Variants in ZNF536 observed in about 807,000 individuals in gnomAD.
ZNF536 encodes the protein zinc finger protein 536.
Under a neutral mutation model 84.5 loss-of-function variants are expected in ZNF536, and 13 were observed. The observed-to-expected ratio is 0.15, with a 90% confidence interval of 0.10 to 0.24. The LOEUF (loss-of-function observed/expected upper bound fraction) is 0.24. ZNF536 is among the 10% of genes least tolerant of loss of function. The pLI is 1.00. For synonymous variants in ZNF536, 811 were observed against 742.5 expected (o/e 1.09, Z -1.50); for missense variants, 1,536 against 1,747.5 (o/e 0.88, Z 2.16).
chr19:30,388,107 G>A (rs2049420589), intron 1 of ZNF536, among the ~76,000 whole-genome samples: 1 of 152,168 alleles, frequency 6.6e-6, no homozygotes, highest in Non-Finnish European at 1.5e-5. Context: ...ATAAGTACTG[G>A]GAGAAACACG....
At chr19:30,288,662 G>A (rs746970958) in intron 2 of ZNF536, among the ~76,000 whole-genome samples, 1 of 152,188 alleles carries the variant, frequency 6.6e-6, no homozygotes, top group Non-Finnish European at 1.5e-5. Context: ...CCACCATTCA[G>A]TAGCTGTCTG....
chr19:30,397,732 A>G (rs943198105), intron 1 of ZNF536, among the ~76,000 whole-genome samples: 3 of 152,218 alleles, frequency 2.0e-5, no homozygotes, highest in Non-Finnish European at 4.4e-5. Context: ...AAACTCAACA[A>G]TAAGACCCCT....
intron 1 of ZNF536, among the ~76,000 whole-genome samples, chr19:30,645,933 C>T (rs186049921): frequency 1.2e-4 from 18 of 152,172 alleles, no homozygotes; most frequent in Admixed American, 3.9e-4. Flanking sequence ...TTCGCCATGC[C>T]GTTGCCCAGC....
chr19:30,439,713 T>C (rs930334291), intron 1 of ZNF536, among the ~76,000 whole-genome samples: 16 of 152,072 alleles, frequency 1.1e-4, no homozygotes, highest in Admixed American at 9.2e-4. Flanking sequence ...TGGGGACCAG[T>C]ATCCTGGAAG....
chr19:30,500,983 G>C (rs2054927578), intron 2 of ZNF536, among the ~76,000 whole-genome samples: 1 of 152,164 alleles, frequency 6.6e-6, no homozygotes, highest in Non-Finnish European at 1.5e-5. Flanking sequence ...TGCTGTTTGG[G>C]CATTGTTCAG....
intron 2 of ZNF536, among the ~76,000 whole-genome samples, chr19:30,479,883 A>G (rs2054002836): frequency 6.6e-6 from 1 of 152,150 alleles, no homozygotes; most frequent in Non-Finnish European, 1.5e-5. Flanking sequence ...GTGGAAATCA[A>G]AATGCCCTGC....
At chr19:30,255,223 G>A (rs796582275) in intron 1 of ZNF536, among the ~76,000 whole-genome samples, 3 of 152,124 alleles carry the variant, frequency 2.0e-5, no homozygotes, top group Admixed American at 1.3e-4. Flanking sequence ...GGTGATTGTC[G>A]GTGGGGTTTA....
At chr19:30,581,494 A>G (rs757346527) in intron 1 of ZNF536, among the ~76,000 whole-genome samples, 16 of 151,990 alleles carry the variant, frequency 1.1e-4, no homozygotes, top group Non-Finnish European at 2.2e-4. Flanking sequence ...AAAGAAAAAA[A>G]AAGTTACAGT....
chr19:30,535,959 G>C lies in ZNF536; in HGVS notation c.2323+960G>C, dbSNP rs577749032. ...GGGGGAGACAAGAAACCCCTCACCTGGTGCCTCACCTGGTCCCCACAAATC... is the reference window on the plus strand; with the variant it reads ...GGGGGAGACAAGAAACCCCTCACCTCGTGCCTCACCTGGTCCCCACAAATC... On this transcript the variant is annotated intron_variant, in intron 3 of 4. Transcript: ENST00000355537. Among the ~76,000 whole-genome samples, 4 of 152,204 alleles carry C rather than the reference G, an allele frequency of 2.6e-5. No individual in the cohort carries two copies. In the South Asian group the frequency reaches 8.3e-4, roughly 32 times the overall value.
chr19:30,437,671 C>T (rs2051814317), intron 1 of ZNF536, among the ~76,000 whole-genome samples: 1 of 151,906 alleles, frequency 6.6e-6, no homozygotes, highest in Non-Finnish European at 1.5e-5. Context: ...AGGTGCCCCA[C>T]CATGACCCTG....
chr19:30,530,525 T>G (rs2044761618), intron 2 of ZNF536, among the ~76,000 whole-genome samples: 1 of 152,162 alleles, frequency 6.6e-6, no homozygotes, highest in Admixed American at 6.5e-5. Context: ...TTTTGTATTT[T>G]TAGTAGAAAT....
At chr19:30,601,516 A>G (rs978699490) in intron 1 of ZNF536, among the ~76,000 whole-genome samples, 2 of 151,856 alleles carry the variant, frequency 1.3e-5, no homozygotes, top group Non-Finnish European at 2.9e-5. Context: ...ACTGCAGGAA[A>G]CCCCTAAATT....
chr19:30,401,323 C>A (rs1232887040), intron 1 of ZNF536, among the ~76,000 whole-genome samples: 1 of 152,194 alleles, frequency 6.6e-6, no homozygotes, highest in Admixed American at 6.5e-5. Flanking sequence ...TATCCTCCTG[C>A]TTCAGTCTGG....
intron 2 of ZNF536, among the ~76,000 whole-genome samples, chr19:30,512,938 G>A (rs1329181469): frequency 1.3e-5 from 2 of 152,164 alleles, no homozygotes; most frequent in East Asian, 1.9e-4. Context: ...CGCATCAGCC[G>A]GATGGTGTTA....
intron 1 of ZNF536, among the ~76,000 whole-genome samples, chr19:30,588,604 A>G (rs907564691): frequency 7.2e-5 from 11 of 152,216 alleles, no homozygotes; most frequent in Non-Finnish European, 1.5e-4. Flanking sequence ...CCAAGAAGAA[A>G]GTATCAGTTT....
At chr19:30,583,356 CTCCAACAGAGA>C (rs1267770725) in intron 1 of ZNF536, among the ~76,000 whole-genome samples, 5 of 152,226 alleles carry the variant, frequency 3.3e-5, no homozygotes, top group Non-Finnish European at 7.3e-5. Context: ...CCCCGGGTGG[CTCCAACAGAGA>C]TCTTTCTGTC....
rs2045675493 is a variant in ZNF536, at chr19:30,549,144, G to A, written c.3525G>A (p.Gly1175=). 1 of 1,613,946 alleles carries A rather than the reference G, an allele frequency of 6.2e-7. No individual in the cohort carries two copies. Among genetic ancestry groups the A allele is most frequent in the Admixed American group, 1.7e-5 (1 of 60,010 alleles). The change falls in exon 4 of 5, where the codon GGG becomes GGA. Residue 1175 remains glycine (G), a synonymous_variant. Coordinates refer to ENST00000355537, the MANE Select transcript of ZNF536 (RefSeq NM_014717.3). ...ASSEDMDSSK[G]ENNDEEDVET... The stretch of plus-strand genomic sequence containing the variant: ...CAGAGGACATGGACTCCTCCAAGGG[G>A]GAGAACAACGATGAAGAGGATGTTG...
intron 1 of ZNF536, among the ~76,000 whole-genome samples, chr19:30,577,527 T>C (rs1295257793): frequency 6.6e-6 from 1 of 152,242 alleles, no homozygotes; most frequent in African/African-American, 2.4e-5. Flanking sequence ...AGTATTTAAG[T>C]ATTGCAGATT....
intron 1 of ZNF536, among the ~76,000 whole-genome samples, chr19:30,652,474 C>T (rs1181681312): frequency 2.0e-5 from 3 of 152,112 alleles, no homozygotes; most frequent in Admixed American, 6.5e-5. Context: ...CTGTAATTAT[C>T]GATAGATGTG....
Sources: gnomAD v4.1 joint callset for allele counts (sites outside exome capture counted in the v4.1 genomes callset) on GRCh38, gnomAD v4.1.1 for gene constraint, MANE v1.5 for transcripts, NCBI Gene and HGNC (gene_info 2026-07-23, HGNC 2026-07-21) for gene names.